CELF4: variants seen among roughly 807,000 people sequenced by gnomAD.
CELF4 encodes the protein CUGBP Elav-like family member 4.
A neutral mutation model predicts 59.9 loss-of-function variants in CELF4; 18 were observed. The observed-to-expected ratio is 0.30, with a 90% CI of 0.21 to 0.45. The LOEUF is 0.45. Ranked by LOEUF, CELF4 falls within the 20% of genes least tolerant of loss-of-function variation. The pLI is 1.00. For synonymous variants in CELF4, 261 were observed against 267.1 expected, an observed-to-expected ratio of 0.98 and a Z score of 0.22; for missense variants, 456 against 689.0, an observed-to-expected ratio of 0.66 and a Z score of 3.79.
intron 2 of CELF4, among the ~76,000 whole-genome samples, chr18:37,435,602 G>C (rs1243251342): frequency 1.3e-5 from 2 of 152,158 alleles, no homozygotes; most frequent in Admixed American, 1.3e-4. Flanking sequence ...CTCAGCTCAG[G>C]ATCTCAGCAA....
intron 2 of CELF4, among the ~76,000 whole-genome samples, chr18:37,427,042 G>GA (rs1439897884): frequency 6.6e-6 from 1 of 151,364 alleles, no homozygotes; most frequent in Non-Finnish European, 1.5e-5. Context: ...GGACACGGGG[G>GA]GGGGGGAAGC....
chr18:37,522,390 C>A (rs1354405454), intron 1 of CELF4, among the ~76,000 whole-genome samples: 1 of 152,100 alleles, frequency 6.6e-6, no homozygotes, highest in Non-Finnish European at 1.5e-5. Flanking sequence ...CAGCCCAGGA[C>A]CCAGCTGGAG....
At chr18:37,398,409 C>T (rs577854725) in intron 2 of CELF4, among the ~76,000 whole-genome samples, 1 of 152,170 alleles carries the variant, frequency 6.6e-6, no homozygotes, top group Non-Finnish European at 1.5e-5. Context: ...GACTGTGCCT[C>T]ACAGACATAG....
rs183776642 is a variant in CELF4 at position 37,441,429 on chromosome 18, T to C, written c.369+44096A>G. ...TGCCGGATATGTTTGTATTTTCCAA[T>C]GTTAAGGCCTCAGAACCAGAAAAAA... On this transcript the variant is annotated intron_variant, in intron 2 of 12. Transcript: ENST00000420428. Among the ~76,000 whole-genome samples, 204 of 152,166 alleles carry C rather than the reference T, an allele frequency of 1.3e-3. 1 individual carries two copies. Among genetic ancestry groups the C allele is most frequent in the African/African-American group, 4.5e-3 (185 of 41,510 alleles).
At chr18:37,466,936 C>T (rs1024621555) in intron 2 of CELF4, among the ~76,000 whole-genome samples, 8 of 152,210 alleles carry the variant, frequency 5.3e-5, no homozygotes, top group Middle Eastern at 3.4e-3. Flanking sequence ...AGCCACTCAG[C>T]GGGTGTGGAG....
At chr18:37,388,526 GC>G (rs1196431842) in intron 2 of CELF4, among the ~76,000 whole-genome samples, 1 of 151,290 alleles carries the variant, frequency 6.6e-6, no homozygotes, top group Non-Finnish European at 1.5e-5. Flanking sequence ...TGGTGCCCTG[GC>G]CCTGGTTAAA....
intron 3 of CELF4, among the ~76,000 whole-genome samples, chr18:37,291,414 CTGCATA>C (rs1346345940): frequency 1.3e-5 from 2 of 152,224 alleles, no homozygotes; most frequent in Non-Finnish European, 2.9e-5. Context: ...AAGCCTGGAC[CTGCATA>C]TGCATCTCTT....
chr18:37,524,745 C>G (rs552535444), intron 1 of CELF4, among the ~76,000 whole-genome samples: 217 of 152,330 alleles, frequency 1.4e-3, no homozygotes, highest in African/African-American at 5.0e-3. Flanking sequence ...ACAGCCCCTG[C>G]TCCCCAGCCG....
At chr18:37,354,325 T>C (rs1425641566) in intron 2 of CELF4, among the ~76,000 whole-genome samples, 1 of 152,020 alleles carries the variant, frequency 6.6e-6, no homozygotes, top group Non-Finnish European at 1.5e-5. Context: ...CTTGCTCCAG[T>C]GCTGTCAGAC....
At chr18:37,499,404 TG>T (rs2099928885) in intron 1 of CELF4, among the ~76,000 whole-genome samples, 1 of 152,000 alleles carries the variant, frequency 6.6e-6, no homozygotes, top group Admixed American at 6.6e-5. Context: ...AGAGGAAAGT[TG>T]GGGCGTTGCA....
chr18:37,407,600 TATATAC>T (rs1569568969), intron 2 of CELF4, among the ~76,000 whole-genome samples: 1 of 95,204 alleles, frequency 1.1e-5, no homozygotes, highest in Admixed American at 1.2e-4. Flanking sequence ...TATGTGTATA[TATATAC>T]ACACATATAC....
rs1262348249 is a variant in CELF4 at position 37,274,185 on chromosome 18, C to T, written c.801+126G>A. ...CCCCCCAGGTTCATGGGTTCATTCC[C>T]GGCCCCTCCTCACTCTGGAGGGAGA... On this transcript the variant is annotated intron_variant, in intron 6 of 12. Coordinates refer to ENST00000420428, the MANE Select transcript of CELF4 (RefSeq NM_020180.4). 7.3e-6 allele frequency: 11 copies of T among 1,507,550 alleles called. No individual in the cohort carries two copies. In the East Asian group the frequency reaches 1.2e-4, roughly 16 times the overall value. The allele number at this position is 1,507,550 out of a possible 1,614,324, so 93.4% of individuals were successfully genotyped here.
chr18:37,319,716 C>T (rs946731296), intron 3 of CELF4, among the ~76,000 whole-genome samples: 3 of 152,238 alleles, frequency 2.0e-5, no homozygotes, highest in East Asian at 1.9e-4. Context: ...CTTGATTTCC[C>T]GGTAAACTTT....
intron 2 of CELF4, among the ~76,000 whole-genome samples, chr18:37,335,146 G>C (rs976031725): frequency 2.0e-5 from 3 of 151,930 alleles, no homozygotes; most frequent in African/African-American, 7.3e-5. Context: ...GGCTAATGAC[G>C]AATCGGGTTA....
At chr18:37,299,047 A>G (rs2095844717) in intron 3 of CELF4, among the ~76,000 whole-genome samples, 1 of 152,214 alleles carries the variant, frequency 6.6e-6, no homozygotes, top group South Asian at 2.1e-4. Context: ...TCAGTTCCCC[A>G]AAGGGATCTG....
intron 6 of CELF4, chr18:37,273,803 T>C (rs1452575200): frequency 5.1e-6 from 5 of 988,656 alleles, no homozygotes; most frequent in Non-Finnish European, 6.0e-6. Flanking sequence ...GCTGACAGAG[T>C]GGGCCCCCAT....
chr18:37,414,200 ATC>A (rs2099503520), intron 2 of CELF4, among the ~76,000 whole-genome samples: 3 of 22,430 alleles, frequency 1.3e-4, no homozygotes, highest in African/African-American at 3.8e-4. Flanking sequence ...TCATCTATCT[ATC>A]TATCTATCTA....
chr18:37,359,208 T>A (rs1225851059), intron 2 of CELF4, among the ~76,000 whole-genome samples: 5 of 152,134 alleles, frequency 3.3e-5, no homozygotes, highest in Admixed American at 6.5e-5. Flanking sequence ...AAAAGGCAGG[T>A]CAGGCACCCT....
intron 3 of CELF4, among the ~76,000 whole-genome samples, chr18:37,318,757 T>C: frequency 6.6e-6 from 1 of 151,798 alleles, no homozygotes; most frequent in East Asian, 1.9e-4. Context: ...GTCAGAGAGC[T>C]ATTGCCTCTG....
Sources: gnomAD v4.1 joint callset for allele counts (sites outside exome capture counted in the v4.1 genomes callset) on GRCh38, gnomAD v4.1.1 for gene constraint, MANE v1.5 for transcripts, NCBI Gene and HGNC (gene_info 2026-07-23, HGNC 2026-07-21) for gene names.